Variants in GALNT13 observed in about 807,000 individuals in gnomAD.
GALNT13 encodes UDP-GalNAc:polypeptide N-acetylgalactosaminyltransferase 13.
GALNT13 carries 28 observed loss-of-function variants against 64.2 expected under a neutral mutation model. The observed-to-expected ratio is 0.44, with a 90% CI of 0.32 to 0.60. The LOEUF is 0.60. GALNT13 is among the 20% of genes least tolerant of loss of function. GALNT13 has a pLI of 0.05. For synonymous variants in GALNT13, 214 were observed against 224.6 expected, an observed-to-expected ratio of 0.95 and a Z score of 0.42; for missense variants, 577 against 669.8, an observed-to-expected ratio of 0.86 and a Z score of 1.53.
intron 8 of GALNT13, among the ~76,000 whole-genome samples, chr2:154,264,883 A>G (rs1376015660): frequency 6.6e-6 from 1 of 151,744 alleles, no homozygotes; most frequent in Non-Finnish European, 1.5e-5. Flanking sequence ...AGTATCTAAG[A>G]AAAAGGAAAT....
the GALNT13 span, chr2:153,158,796 A>G: frequency 6.6e-6 from 1 of 152,230 alleles, no homozygotes; most frequent in African/African-American, 2.4e-5. Context: ...TGTTTTACTA[A>G]AGATTCTATG....
At chr2:154,112,332 T>C (rs13393867) in intron 3 of GALNT13, among the ~76,000 whole-genome samples, 7,633 of 152,200 alleles carry the variant, frequency 0.05, 374 homozygotes, top group African/African-American at 0.13. Context: ...CATGGGCCCA[T>C]TGGGCGATAA....
At chr2:153,155,447 T>G in the GALNT13 span, among the ~76,000 whole-genome samples, 1 of 152,194 alleles carries the variant, frequency 6.6e-6, no homozygotes, top group East Asian at 1.9e-4. Flanking sequence ...TGGTTCTTCC[T>G]TGGGAGGGTG....
the GALNT13 span, among the ~76,000 whole-genome samples, chr2:153,438,706 T>C: frequency 6.6e-6 from 1 of 152,208 alleles, no homozygotes; most frequent in Non-Finnish European, 1.5e-5. Flanking sequence ...TCTGCATTGG[T>C]TATTCTAGTT....
At chr2:153,363,284 A>T in the GALNT13 span, among the ~76,000 whole-genome samples, 12 of 152,152 alleles carry the variant, frequency 7.9e-5, no homozygotes, top group African/African-American at 2.7e-4. Context: ...AGAAAGCTAG[A>T]AATATCGCAA....
chr2:153,475,463 T>C, the GALNT13 span, among the ~76,000 whole-genome samples: 1 of 152,332 alleles, frequency 6.6e-6, no homozygotes, highest in Non-Finnish European at 1.5e-5. Context: ...GCTTTTGAGA[T>C]GCAGGGAAGA....
chr2:153,968,932 TA>T (rs1450642638), intron 3 of GALNT13, among the ~76,000 whole-genome samples: 3 of 148,522 alleles, frequency 2.0e-5, no homozygotes, highest in African/African-American at 7.5e-5. Flanking sequence ...TAAATTACTT[TA>T]AAATCAGAAA....
chr2:153,605,500 G>T, the GALNT13 span, among the ~76,000 whole-genome samples: 1 of 152,008 alleles, frequency 6.6e-6, no homozygotes, highest in Admixed American at 6.6e-5. Context: ...AGAGGCCATG[G>T]CATATTTGAT....
intron 9 of GALNT13, among the ~76,000 whole-genome samples, chr2:154,353,012 A>T (rs1559107555): frequency 6.6e-6 from 1 of 152,048 alleles, no homozygotes; most frequent in Non-Finnish European, 1.5e-5. Flanking sequence ...TTCTCTAGTG[A>T]CTCGGTAGTT....
chr2:154,049,528 T>C (rs1251571476), intron 3 of GALNT13, among the ~76,000 whole-genome samples: 1 of 148,028 alleles, frequency 6.8e-6, no homozygotes, highest in East Asian at 1.9e-4. Context: ...TATATATATA[T>C]ATATGTATCA....
chr2:154,283,214 AT>A lies in GALNT13; in HGVS notation c.976-18186del, dbSNP rs199567460. Among the ~76,000 whole-genome samples, 35 of 151,714 alleles carry A rather than the reference AT, an allele frequency of 2.3e-4. 1 individual carries two copies. The highest frequency in any genetic ancestry group is 8.5e-4 in the Admixed American group (13 of 15,224). On this transcript the variant is annotated intron_variant, in intron 8 of 12. Coordinates refer to ENST00000392825, the MANE Select transcript of GALNT13 (RefSeq NM_052917.4). The stretch of plus-strand genomic sequence containing the variant: ...GTGGAGAGTTGATATACTGATAGGG[AT>A]TTTTTTTTATTATTTTTGAAGCAAA...
chr2:153,883,555 G>T (rs1686929024), intron 1 of GALNT13, among the ~76,000 whole-genome samples: 1 of 151,976 alleles, frequency 6.6e-6, no homozygotes, highest in South Asian at 2.1e-4. Context: ...GCAAACTATG[G>T]TTAAGAAAAA....
At chr2:153,856,118 G>C in the GALNT13 span, among the ~76,000 whole-genome samples, 2 of 152,110 alleles carry the variant, frequency 1.3e-5, no homozygotes, top group African/African-American at 4.8e-5. Flanking sequence ...TTTATTTGGG[G>C]GTGATGAAAA....
chr2:153,909,606 A>G (rs916347243), intron 2 of GALNT13, among the ~76,000 whole-genome samples: 3 of 152,142 alleles, frequency 2.0e-5, no homozygotes, highest in Non-Finnish European at 4.4e-5. Flanking sequence ...TGTTCCTTCA[A>G]TATGTAGCTT....
the GALNT13 span, among the ~76,000 whole-genome samples, chr2:153,542,651 G>A: frequency 6.6e-6 from 1 of 152,132 alleles, no homozygotes; most frequent in African/African-American, 2.4e-5. Flanking sequence ...GCTATTGAGG[G>A]TGATCAGATA....
intron 2 of GALNT13, among the ~76,000 whole-genome samples, 197 bp downstream of exon 2, chr2:153,901,204 GTGCCT>G (rs1688211960): frequency 6.6e-6 from 1 of 152,130 alleles, no homozygotes; most frequent in Non-Finnish European, 1.5e-5. Flanking sequence ...TTTTGTATCA[GTGCCT>G]TGCAGTTTTG....
At chr2:153,414,830 T>TACA in the GALNT13 span, among the ~76,000 whole-genome samples, 1 of 152,164 alleles carries the variant, frequency 6.6e-6, no homozygotes, top group Admixed American at 6.5e-5. Flanking sequence ...ATTGAAAGGT[T>TACA]ACAATGTGGT....
At chr2:153,765,373 A>G in the GALNT13 span, among the ~76,000 whole-genome samples, 1 of 152,184 alleles carries the variant, frequency 6.6e-6, no homozygotes, top group Non-Finnish European at 1.5e-5. Flanking sequence ...AAAGTAGATC[A>G]TTTTGGAACT....
At chr2:153,586,456 T>A in the GALNT13 span, among the ~76,000 whole-genome samples, 2 of 152,062 alleles carry the variant, frequency 1.3e-5, no homozygotes, top group Non-Finnish European at 2.9e-5. Context: ...ACAAAGAAGG[T>A]CATTATGTAA....
Sources: allele counts gnomAD v4.1 joint callset (sites outside exome capture counted in the v4.1 genomes callset), GRCh38; gene constraint gnomAD v4.1.1; transcripts MANE v1.5; gene names NCBI Gene and HGNC (gene_info 2026-07-23, HGNC 2026-07-21).